The following FNDC7 variants were observed in gnomAD, a reference collection of about 807,000 sequenced individuals.
FNDC7 encodes fibronectin type III domain containing 7, also known as fibronectin type III domain-containing protein 7.
A neutral mutation model predicts 74.2 loss-of-function variants in FNDC7; 66 were observed. That is an observed-to-expected ratio of 0.89 (90% CI 0.73 to 1.09). The LOEUF is 1.09. Among genes scored for constraint, FNDC7 ranks in the 50% least tolerant of loss-of-function variants. FNDC7 has a pLI of 0.00. For missense variants in FNDC7, 829 were observed against 893.4 expected (o/e 0.93, Z 0.92); for synonymous variants, 307 against 330.2 (o/e 0.93, Z 0.76).
intron 11 of FNDC7, among the ~76,000 whole-genome samples, chr1:108,738,146 A>T (rs1346405609): frequency 6.6e-6 from 1 of 152,136 alleles, no homozygotes; most frequent in Non-Finnish European, 1.5e-5. Context: ...TGCTGGTCTG[A>T]CCACACATGG....
At chr1:108,732,291 G>A (rs897637126) in intron 9 of FNDC7, among the ~76,000 whole-genome samples, 8 of 145,300 alleles carry the variant, frequency 5.5e-5, no homozygotes, top group African/African-American at 2.1e-4. Context: ...CCCGGGAGGC[G>A]GAGTTTGCAG....
intron 4 of FNDC7, 29 bp downstream of exon 4, chr1:108,719,078 A>C: frequency 6.5e-7 from 1 of 1,549,796 alleles, no homozygotes; most frequent in Non-Finnish European, 8.7e-7. Context: ...AGCCTCGAAC[A>C]ATTCTACTTT....
intron 5 of FNDC7, among the ~76,000 whole-genome samples, chr1:108,722,984 T>TA (rs397705401): frequency 6.6e-6 from 1 of 152,032 alleles, no homozygotes; most frequent in East Asian, 1.9e-4. Context: ...CGCCATTTTT[T>TA]AAGAAAAAGA....
intron 2 of FNDC7, among the ~76,000 whole-genome samples, chr1:108,715,220 G>C (rs925400908): frequency 6.6e-6 from 1 of 152,126 alleles, no homozygotes; most frequent in Non-Finnish European, 1.5e-5. Context: ...CTGGGGCCTC[G>C]TGGGCTAATT....
At chr1:108,716,362 T>G (rs964386974) in intron 2 of FNDC7, among the ~76,000 whole-genome samples, 9 of 150,458 alleles carry the variant, frequency 6.0e-5, no homozygotes, top group African/African-American at 2.2e-4. Flanking sequence ...TGTGTGTGTG[T>G]GTGTGTGTGT....
intron 11 of FNDC7, among the ~76,000 whole-genome samples, chr1:108,739,305 T>G (rs917065779): frequency 6.6e-6 from 1 of 152,068 alleles, no homozygotes; most frequent in African/African-American, 2.4e-5. Context: ...GAGACCAGCC[T>G]GGCCAACAAA....
At chr1:108,732,141 C>T (rs994985198) in intron 9 of FNDC7, among the ~76,000 whole-genome samples, 9 of 151,986 alleles carry the variant, frequency 5.9e-5, no homozygotes, top group East Asian at 1.9e-4. Flanking sequence ...AGGCGGATCA[C>T]GAGGTCAGGA....
rs988678307 is a variant in FNDC7, at chr1:108,730,801, G to A, written c.1752G>A (p.Lys584=). The A allele has an allele frequency of 6.2e-7, 1 of 1,614,150 alleles. No individual in the cohort carries two copies. The highest frequency in any genetic ancestry group is 8.5e-7 in the Non-Finnish European group (1 of 1,180,020). Residue 584 remains lysine (K), a synonymous_variant, in exon 9 of 13, where the codon AAG becomes AAA. Coordinates refer to ENST00000370017, the MANE Select transcript of FNDC7 (RefSeq NM_001144937.3). ...AVLESHTGQS[K]CHTHQNHCLL... ...TGGAGTCACACACTGGACAGTCTAA[G>A]TGTCACACTCATCAAAACCACTGCC...
chr1:108,726,313 G>A (rs1661219726), intron 6 of FNDC7, among the ~76,000 whole-genome samples: 1 of 152,352 alleles, frequency 6.6e-6, no homozygotes, highest in Admixed American at 6.5e-5. Context: ...TGCTGCCAGA[G>A]AGAAGGCAGT....
At chr1:108,732,088 G>A (rs111818173) in intron 9 of FNDC7, among the ~76,000 whole-genome samples, 187 of 152,176 alleles carry the variant, frequency 1.2e-3, no homozygotes, top group African/African-American at 4.2e-3. Context: ...GGCCTGGCGC[G>A]GTGGCTCATG....
At chr1:108,741,703 TG>T (rs1661651772) in intron 11 of FNDC7, 69 bp from the exon 12 acceptor site, 2 of 1,503,856 alleles carry the variant, frequency 1.3e-6, no homozygotes, top group Non-Finnish European at 1.8e-6. Context: ...TCTCAGACAC[TG>T]GTGCTTTTTA....
intron 2 of FNDC7, among the ~76,000 whole-genome samples, chr1:108,715,666 C>T (rs114202331): frequency 0.21 from 19,387 of 90,864 alleles, 1,473 homozygotes; most frequent in Middle Eastern, 0.29. Flanking sequence ...CGTGCGTGCG[C>T]GCGCGCACAC....
chr1:108,735,937 C>G (rs547769020), intron 10 of FNDC7, among the ~76,000 whole-genome samples: 98 of 152,288 alleles, frequency 6.4e-4, no homozygotes, highest in African/African-American at 2.2e-3. Context: ...TCCCAAGTAG[C>G]TGGGACTATA....
Position 108,742,136 on chromosome 1 carries a change from T to C in FNDC7, c.*249T>C. On this transcript the variant is annotated 3_prime_UTR_variant, in exon 13 of 13. Transcript: ENST00000370017. Reference sequence around the variant, plus strand: ...AGAGAAATGAATCCAGAAAGTCCCCTGGACGGCTGCTAGCCTGAGTTGGCA... The same window carrying C: ...AGAGAAATGAATCCAGAAAGTCCCCCGGACGGCTGCTAGCCTGAGTTGGCA... The C allele has an allele frequency of 2.9e-6, 1 of 340,826 alleles. No homozygotes were observed. The highest frequency in any genetic ancestry group is 5.4e-6 in the Non-Finnish European group (1 of 185,872). 21.1% of individuals were successfully genotyped at this position (340,826 alleles called of 1,614,324 possible).
chr1:108,730,696 G>T lies in FNDC7; in HGVS notation c.1647G>T (p.Leu549=). Residue 549 remains leucine (L), a synonymous_variant, in exon 9 of 13, where the codon CTG becomes CTT. Coordinates refer to ENST00000370017, the MANE Select transcript of FNDC7 (RefSeq NM_001144937.3). ...LETVPCCPTG[L]TVTQITQSVI... The stretch of plus-strand genomic sequence containing the variant: ...AAGTGCCATGCTGTCCAACCGGTCT[G>T]ACAGTAACTCAAATCACCCAGTCAG... 6.3e-7 allele frequency: 1 copy of T among 1,592,924 alleles called. No homozygotes were observed. The highest frequency in any genetic ancestry group is 8.6e-7 in the Non-Finnish European group (1 of 1,166,626).
rs1475029693 is a variant in FNDC7 at position 108,729,002 on chromosome 1, A to G, written c.1624+116A>G. Reference sequence around the variant, plus strand: ...AGTGCAACAGAAATACATTAAACTCAGAGACGTTTCAAAGAGTCCCGGTCA... The same window carrying G: ...AGTGCAACAGAAATACATTAAACTCGGAGACGTTTCAAAGAGTCCCGGTCA... On this transcript the variant is annotated intron_variant, in intron 8 of 12. Coordinates refer to ENST00000370017, the MANE Select transcript of FNDC7 (RefSeq NM_001144937.3). 19 of 1,319,874 alleles carry G rather than the reference A, an allele frequency of 1.4e-5. No individual in the cohort carries two copies. The South Asian group carries it at 2.5e-4, about 17-fold the overall frequency. The allele number at this position is 1,319,874 out of a possible 1,614,324, so 81.8% of individuals were successfully genotyped here. A position where few individuals can be genotyped will look rare whatever the true frequency, so the allele number is the denominator to read the frequency against.
chr1:108,731,059 T>G, intron 9 of FNDC7, 131 bp downstream of exon 9: 1 of 1,109,312 alleles, frequency 9.0e-7, no homozygotes, highest in Non-Finnish European at 1.2e-6. Flanking sequence ...GATTACTTTC[T>G]AAAATGGTTA....
chr1:108,730,546 A>G lies in FNDC7; in HGVS notation c.1625-128A>G, dbSNP rs564046428. On this transcript the variant is annotated intron_variant, in intron 8 of 12. Coordinates refer to ENST00000370017, the MANE Select transcript of FNDC7 (RefSeq NM_001144937.3). ...AATGAACAAAAGGAAATTTTTTATT[A>G]ACAATGGAAAGTTGGGGAATGTAGG... The G allele has an allele frequency of 1.9e-5, 20 of 1,078,072 alleles. No homozygotes were observed. In the South Asian group the frequency reaches 3.2e-4, roughly 17 times the overall value. The allele number at this position is 1,078,072 out of a possible 1,614,324, so 66.8% of individuals were successfully genotyped here.
At chr1:108,717,433 G>C (rs868019002) in intron 2 of FNDC7, among the ~76,000 whole-genome samples, 26 of 130,910 alleles carry the variant, frequency 2.0e-4, no homozygotes, top group Middle Eastern at 7.7e-3. Flanking sequence ...TACTCTGGAA[G>C]AAAGCCTCTC....
Sources: allele counts gnomAD v4.1 joint callset (sites outside exome capture counted in the v4.1 genomes callset), GRCh38; gene constraint gnomAD v4.1.1; transcripts MANE v1.5; gene names NCBI Gene and HGNC (gene_info 2026-07-23, HGNC 2026-07-21).